TMEM132B: variants seen among roughly 807,000 people sequenced by gnomAD.
TMEM132B encodes the protein transmembrane protein 132B.
TMEM132B carries 18 observed loss-of-function variants against 90.8 expected under a neutral mutation model. The ratio of observed to expected loss-of-function variants is 0.20; its 90% confidence interval spans 0.14 to 0.29. The LOEUF (loss-of-function observed/expected upper bound fraction) is 0.29, where lower values mean the gene tolerates loss of function less well. Ranked by LOEUF, TMEM132B falls within the 10% of genes least tolerant of loss-of-function variation. The pLI is 1.00. For synonymous variants in TMEM132B, 504 were observed against 523.3 expected (o/e 0.96, Z 0.50); for missense variants, 1,096 against 1,326.8 (o/e 0.83, Z 2.70).
In TMEM132B at chr12:125,654,909, C is replaced by T. The variant is rs1300506500; in HGVS notation, c.*199C>T. 1 of 597,292 alleles carries T rather than the reference C, an allele frequency of 1.7e-6. No individual in the cohort carries two copies. Among genetic ancestry groups the T allele is most frequent in the African/African-American group, 1.9e-5 (1 of 53,882 alleles). The allele number at this position is 597,292 out of a possible 1,614,324, so 37.0% of individuals were successfully genotyped here. On this transcript the variant is annotated 3_prime_UTR_variant, in exon 9 of 9. Coordinates refer to ENST00000682704, the MANE Select transcript of TMEM132B (RefSeq NM_001366854.1). This position sits in a 1 kb window ranked among gnomAD's most constrained non-coding sequence, Gnocchi z 5.8. ...AGTTTGGAAATGCCTCTAAAACAGC[C>T]ACATGTGGGGACTGGAGAAATTCTA...
chr12:125,201,368 G>A (rs1353726149), intron 1 of TMEM132B, among the ~76,000 whole-genome samples: 1 of 152,240 alleles, frequency 6.6e-6, no homozygotes, highest in African/African-American at 2.4e-5. Context: ...AAAGGTGCTA[G>A]AATTTCTTTC....
chr12:125,587,225 G>T (rs1368319510), intron 5 of TMEM132B: 1 of 147,168 alleles, frequency 6.8e-6, no homozygotes, highest in South Asian at 2.1e-4. Context: ...GTGTGTGTGT[G>T]TGTGTGTGCG....
rs527793542 is a variant in TMEM132B, at chr12:125,313,824, T to C, written c.68-35628T>C. 2.0e-5 allele frequency among the ~76,000 whole-genome samples: 3 copies of C among 148,612 alleles called. No individual in the cohort carries two copies. The East Asian group carries it at 6.0e-4, about 30-fold the overall frequency. On this transcript the variant is annotated intron_variant, in intron 1 of 8. Transcript: ENST00000682704. The stretch of plus-strand genomic sequence containing the variant: ...AAGGACCCCAAACTTTGTGTCATGC[T>C]CTTGAAATTCTTAATACTTTTTGAC...
At chr12:125,326,525 A>C in intron 1 of TMEM132B, 3 of 1,310,212 alleles carry the variant, frequency 2.3e-6, no homozygotes, top group Non-Finnish European at 3.2e-6. Context: ...ACATCGGCTT[A>C]ATGCTGTTTG....
intron 1 of TMEM132B, among the ~76,000 whole-genome samples, chr12:125,258,574 G>T (rs1000715986): frequency 1.3e-5 from 2 of 152,078 alleles, no homozygotes; most frequent in Admixed American, 1.3e-4. Flanking sequence ...GGCCTTTGAG[G>T]ATCCTGTCTC....
intron 5 of TMEM132B, among the ~76,000 whole-genome samples, chr12:125,621,590 A>T (rs544139473): frequency 6.6e-6 from 1 of 152,308 alleles, no homozygotes; most frequent in South Asian, 2.1e-4. Flanking sequence ...CATAGTAGAC[A>T]TCATTAATCA....
At chr12:125,456,501 T>C (rs1425743772) in intron 3 of TMEM132B, among the ~76,000 whole-genome samples, 1 of 152,180 alleles carries the variant, frequency 6.6e-6, no homozygotes, top group Non-Finnish European at 1.5e-5. Context: ...GGAGCCGGGA[T>C]CTAGGGGGCT....
chr12:125,411,192 T>TGGAGTGAGTGGA (rs1482504534), intron 2 of TMEM132B, among the ~76,000 whole-genome samples: 12 of 106,014 alleles, frequency 1.1e-4, no homozygotes, highest in Non-Finnish European at 2.2e-4. Flanking sequence ...AGTGGAGGAG[T>TGGAGTGAGTGGA]GGAGTGGAGT....
chr12:125,611,834 A>G (rs1885835244), intron 5 of TMEM132B, among the ~76,000 whole-genome samples: 2 of 152,156 alleles, frequency 1.3e-5, no homozygotes, highest in Admixed American at 6.5e-5. Context: ...AATATGGTCT[A>G]TAGTGGAGCA....
At chr12:125,260,971 C>T (rs191115430) in intron 1 of TMEM132B, among the ~76,000 whole-genome samples, 1 of 150,426 alleles carries the variant, frequency 6.6e-6, no homozygotes, top group Admixed American at 6.6e-5. Context: ...AATAATTTCC[C>T]TTGTCTACCA....
At chr12:125,597,147 T>C (rs1646861080) in intron 5 of TMEM132B, among the ~76,000 whole-genome samples, 1 of 152,224 alleles carries the variant, frequency 6.6e-6, no homozygotes, top group South Asian at 2.1e-4. Flanking sequence ...TTAAAATTCC[T>C]GGTAGAGTTT....
chr12:125,331,324 A>T (rs1182721679), intron 1 of TMEM132B, among the ~76,000 whole-genome samples: 1 of 152,066 alleles, frequency 6.6e-6, no homozygotes, highest in East Asian at 1.9e-4. Flanking sequence ...GAGGCTTTGT[A>T]TTTTTCCTCC....
At chr12:125,499,274 G>A (rs897194746) in intron 3 of TMEM132B, among the ~76,000 whole-genome samples, 4 of 152,070 alleles carry the variant, frequency 2.6e-5, no homozygotes, top group Non-Finnish European at 5.9e-5. Context: ...TTAGTATTTC[G>A]GCCTTTCAGA....
At chr12:125,375,410 A>C (rs555450284) in intron 2 of TMEM132B, among the ~76,000 whole-genome samples, 16 of 152,356 alleles carry the variant, frequency 1.1e-4, no homozygotes, top group African/African-American at 3.8e-4. Flanking sequence ...CCCAGGTGAC[A>C]GCAAAGAGAT....
At chr12:125,320,646 A>G (rs453677) in intron 1 of TMEM132B, among the ~76,000 whole-genome samples, 111,583 of 151,688 alleles carry the variant, frequency 0.74, 42,035 homozygotes, top group African/African-American at 0.89. Flanking sequence ...CACAAGGGGG[A>G]AGCTGAGTCG....
intron 3 of TMEM132B, among the ~76,000 whole-genome samples, chr12:125,429,673 CCTTGTCCGATTATTTTTAA>C (rs1167868920): frequency 3.3e-5 from 5 of 152,190 alleles, no homozygotes; most frequent in African/African-American, 1.2e-4. Context: ...CTTTATTGAA[CCTTGTCCGATTATTTTTAA>C]CTTAACTAAA....
At chr12:125,342,329 C>G (rs1195621101) in intron 1 of TMEM132B, among the ~76,000 whole-genome samples, 1 of 152,180 alleles carries the variant, frequency 6.6e-6, no homozygotes, top group Non-Finnish European at 1.5e-5. Flanking sequence ...TCCAGGATTC[C>G]TGTCCTGCCA....
chr12:125,581,470 G>C (rs1358187316), intron 4 of TMEM132B, among the ~76,000 whole-genome samples: 1 of 152,154 alleles, frequency 6.6e-6, no homozygotes, highest in African/African-American at 2.4e-5. Context: ...GGCTTCACTT[G>C]AATCTGTCTT....
chr12:125,405,379 C>T (rs1879439087), intron 2 of TMEM132B, among the ~76,000 whole-genome samples: 1 of 152,136 alleles, frequency 6.6e-6, no homozygotes, highest in Non-Finnish European at 1.5e-5. Flanking sequence ...CCAGGATGGT[C>T]TCATCTTGAG....
Sources: gnomAD v4.1 joint callset for allele counts (sites outside exome capture counted in the v4.1 genomes callset) on GRCh38, gnomAD v4.1.1 for gene constraint, Gnocchi (gnomAD v3.1) non-coding constraint, MANE v1.5 for transcripts, NCBI Gene and HGNC (gene_info 2026-07-23, HGNC 2026-07-21) for gene names.